The following FBXO11 variants were observed in gnomAD, a reference collection of about 807,000 sequenced individuals.
The protein encoded by FBXO11 is F-box only protein 11.
A neutral mutation model predicts 117.0 loss-of-function variants in FBXO11; 13 were observed. The ratio of observed to expected loss-of-function variants is 0.11; its 90% CI spans 0.07 to 0.18. FBXO11 has a LOEUF of 0.18. Among genes scored for constraint, FBXO11 ranks in the 10% least tolerant of loss-of-function variants. The pLI is 1.00. For missense variants in FBXO11, 767 were observed against 1,164.4 expected (o/e 0.66, Z 4.97); for synonymous variants, 490 against 380.5 (o/e 1.29, Z -3.35).
At chr2:47,880,317 T>C (rs998051527) in intron 1 of FBXO11, among the ~76,000 whole-genome samples, 4 of 152,320 alleles carry the variant, frequency 2.6e-5, no homozygotes, top group Non-Finnish European at 2.9e-5. Flanking sequence ...GACTTCTGGA[T>C]TGAATCAGTA....
At position 47,843,872 on chromosome 2, in the gene FBXO11, C is replaced by A. The variant is rs1229829628; in HGVS notation, c.233-4103G>T. On this transcript the variant is annotated intron_variant, in intron 1 of 22. Transcript: ENST00000403359. ...TCTCCCACCTCAGCCTTCCGAGTAG[C>A]TGGGATTACAGGCACGCGCCACTAC... Among the ~76,000 whole-genome samples the A allele has an allele frequency of 2.0e-5, 3 of 152,212 alleles. No individual in the cohort carries two copies. The East Asian group carries it at 5.8e-4, about 29-fold the overall frequency.
At chr2:47,896,757 T>C (rs1258862158) in intron 1 of FBXO11, among the ~76,000 whole-genome samples, 1 of 152,368 alleles carries the variant, frequency 6.6e-6, no homozygotes, top group Non-Finnish European at 1.5e-5. Context: ...CAGTCATTCA[T>C]ATGTAAGTGT....
chr2:47,868,793 G>C (rs562354122), intron 1 of FBXO11, among the ~76,000 whole-genome samples: 37 of 152,292 alleles, frequency 2.4e-4, no homozygotes, highest in South Asian at 8.3e-4. Flanking sequence ...CCCCAATATA[G>C]TACCATTTCC....
intron 4 of FBXO11, among the ~76,000 whole-genome samples, chr2:47,836,559 A>C (rs139004397): frequency 6.6e-6 from 1 of 151,290 alleles, no homozygotes; most frequent in African/African-American, 2.4e-5. Flanking sequence ...CAAGTGATTT[A>C]CCCACCTCAG....
In FBXO11 at chr2:47,834,589, C is replaced by G. The variant is rs1219431687; in HGVS notation, c.924G>C (p.Met308Ile). Residue 308 changes from methionine to isoleucine, a missense_variant, in exon 7 of 23, where the codon ATG becomes ATC. By Grantham distance (10) the Met-to-Ile change is conservative. This residue lies in a region of FBXO11 where 123 missense variants were observed against 145.0 expected (regional missense o/e 0.85). Transcript: ENST00000403359. ...TGCATTTCAAAATACCTGCACCAAT[C>G]ATGGTGATTGGAGATTCAATATATA... is the stretch of plus-strand genomic sequence containing the variant. ...EWIYIESPIT[M>I]IGAAPGKVAD... 6 of 1,574,240 alleles carry G rather than the reference C, an allele frequency of 3.8e-6. No homozygotes were observed. Among genetic ancestry groups the G allele is most frequent in the Non-Finnish European group, 3.4e-6 (4 of 1,164,652 alleles).
rs570520479 is a variant in FBXO11, at chr2:47,852,062, G to T, written c.233-12293C>A. Among the ~76,000 whole-genome samples, 3 of 149,564 alleles carry T rather than the reference G, an allele frequency of 2.0e-5. No individual in the cohort carries two copies. The East Asian group carries it at 5.8e-4, about 29-fold the overall frequency. On this transcript the variant is annotated intron_variant, in intron 1 of 22. Transcript: ENST00000403359. ...GTTGGAGTGCAATGGCACTATCTTG[G>T]CTCACTGCAACCTCCACACCTGCTT...
At chr2:47,836,182 C>T (rs944077844) in intron 4 of FBXO11, among the ~76,000 whole-genome samples, 181 bp from the exon 5 acceptor site, 3 of 151,968 alleles carry the variant, frequency 2.0e-5, no homozygotes, top group African/African-American at 7.2e-5. Flanking sequence ...GTCATCCAGG[C>T]TAGAATGCAA....
At chr2:47,891,082 CCAACATGCTGGG>C (rs1370524274) in intron 1 of FBXO11, among the ~76,000 whole-genome samples, 9 of 152,032 alleles carry the variant, frequency 5.9e-5, no homozygotes, top group Non-Finnish European at 1.3e-4. Flanking sequence ...CCTCTGCCTC[CCAACATGCTGGG>C]ATTACAGGCA....
At chr2:47,866,501 G>C (rs1229611647) in intron 1 of FBXO11, among the ~76,000 whole-genome samples, 1 of 150,456 alleles carries the variant, frequency 6.6e-6, no homozygotes, top group Admixed American at 6.6e-5. Flanking sequence ...TTGAGACGGA[G>C]TCTTGCTCTG....
intron 1 of FBXO11, among the ~76,000 whole-genome samples, chr2:47,845,315 T>C (rs577779013): frequency 1.6e-4 from 24 of 152,352 alleles, no homozygotes; most frequent in African/African-American, 5.8e-4. Flanking sequence ...ATTTAAGTCA[T>C]GAATACCACA....
In FBXO11 at chr2:47,813,425, ATTTTTTTTT is replaced by A. The variant is rs564540671; in HGVS notation, c.2084-57_2084-49del. 48 of 390,104 alleles carry A rather than the reference ATTTTTTTTT, an allele frequency of 1.2e-4. 1 individual carries two copies. The African/African-American group carries it at 2.2e-3, about 18-fold the overall frequency. 24.2% of individuals were successfully genotyped at this position (390,104 alleles called of 1,614,324 possible). ...TATCTAGAAGGTATATTTCTTTTTAATTTTTTTTTTTTTTTTTTTTTTTGAGACAGAGTC... is the reference window on the plus strand; with the variant it reads ...TATCTAGAAGGTATATTTCTTTTTAATTTTTTTTTTTTTTGAGACAGAGTC... On this transcript the variant is annotated intron_variant, in intron 17 of 22. Transcript: ENST00000403359.
chr2:47,814,902 T>A (rs930007322), intron 16 of FBXO11, among the ~76,000 whole-genome samples: 2 of 152,192 alleles, frequency 1.3e-5, no homozygotes, highest in Non-Finnish European at 2.9e-5. Flanking sequence ...GTTCACAGCA[T>A]CTTCAACAGG....
At chr2:47,843,901 C>G (rs113475589) in intron 1 of FBXO11, among the ~76,000 whole-genome samples, 1 of 151,994 alleles carries the variant, frequency 6.6e-6, no homozygotes, top group South Asian at 2.1e-4. Context: ...CCACTACGCC[C>G]GGCTAATTTT....
chr2:47,847,195 A>G (rs1234424214), intron 1 of FBXO11, among the ~76,000 whole-genome samples: 3 of 152,128 alleles, frequency 2.0e-5, no homozygotes, highest in African/African-American at 7.2e-5. Context: ...CAGTGAGCCG[A>G]CATTGTGCAA....
chr2:47,867,936 G>T (rs1358893492), intron 1 of FBXO11, among the ~76,000 whole-genome samples: 1 of 151,994 alleles, frequency 6.6e-6, no homozygotes, highest in Admixed American at 6.6e-5. Flanking sequence ...TTTTTTTTAA[G>T]TCTCTGAATA....
chr2:47,811,277 GTGCAATGGTGTGATC>G (rs1192351524), intron 18 of FBXO11: 1 of 152,302 alleles, frequency 6.6e-6, no homozygotes, highest in Non-Finnish European at 1.5e-5. Context: ...CCAGGCTGGA[GTGCAATGGTGTGATC>G]TTGGCTCACT....
intron 4 of FBXO11, among the ~76,000 whole-genome samples, chr2:47,837,916 G>C (rs938088749): frequency 3.1e-4 from 47 of 151,980 alleles, no homozygotes; most frequent in African/African-American, 1.1e-3. Context: ...TTTTATAACA[G>C]CATTTTTTTC....
chr2:47,887,865 C>G (rs559956740), intron 1 of FBXO11, among the ~76,000 whole-genome samples: 1 of 152,024 alleles, frequency 6.6e-6, no homozygotes, highest in African/African-American at 2.4e-5. Flanking sequence ...TCAAAAAAAC[C>G]CATTAGCGGG....
rs185201822 is a variant in FBXO11 at position 47,830,668 on chromosome 2, T to A, written c.1398+1681A>T. Among the ~76,000 whole-genome samples the A allele has an allele frequency of 5.3e-5, 8 of 152,332 alleles. No homozygotes were observed. In the East Asian group the frequency reaches 1.5e-3, roughly 29 times the overall value. On this transcript the variant is annotated intron_variant, in intron 11 of 22. Transcript: ENST00000403359. Reference sequence around the variant, plus strand: ...CTATAGCATTGTCTAGACTTATTTTTAAAAATGCTGTGATATTTACAAGCC... The same window carrying A: ...CTATAGCATTGTCTAGACTTATTTTAAAAAATGCTGTGATATTTACAAGCC...
Sources: gnomAD v4.1 joint callset for allele counts (sites outside exome capture counted in the v4.1 genomes callset) on GRCh38, gnomAD v4.1.1 for gene constraint, gnomAD v4.1.1 regional missense constraint, MANE v1.5 for transcripts, NCBI Gene and HGNC (gene_info 2026-07-23, HGNC 2026-07-21) for gene names.